SOX6: variants seen among roughly 807,000 people sequenced by gnomAD.
The protein encoded by SOX6 is SRY-box transcription factor 6.
SOX6 carries 11 observed loss-of-function variants against 97.8 expected under a neutral mutation model. That is an observed-to-expected ratio of 0.11 (90% CI 0.07 to 0.19). SOX6 has a LOEUF of 0.19. SOX6 is among the 10% of genes least tolerant of loss of function. The pLI is 1.00. For synonymous variants in SOX6, 360 were observed against 371.4 expected (o/e 0.97, Z 0.35); for missense variants, 810 against 1,039.5 (o/e 0.78, Z 3.04).
intron 3 of SOX6, among the ~76,000 whole-genome samples, chr11:16,667,325 A>G (rs768851345): frequency 3.9e-5 from 6 of 152,206 alleles, no homozygotes; most frequent in Non-Finnish European, 2.9e-5. Context: ...AAAAGGTTAT[A>G]GAACACCAAG....
intron 4 of SOX6, among the ~76,000 whole-genome samples, chr11:16,516,377 G>C (rs1860973933): frequency 6.6e-6 from 1 of 152,164 alleles, no homozygotes; most frequent in African/African-American, 2.4e-5. Flanking sequence ...AAGAATGCTT[G>C]TGATTTTTGT....
At chr11:16,421,696 C>T (rs561063373) in intron 1 of SOX6, among the ~76,000 whole-genome samples, 1 of 152,124 alleles carries the variant, frequency 6.6e-6, no homozygotes, top group African/African-American at 2.4e-5. Context: ...TATGACTGTT[C>T]TTGTTCTTTT....
intron 6 of SOX6, among the ~76,000 whole-genome samples, chr11:16,158,701 C>A (rs1850665483): frequency 6.6e-6 from 1 of 151,870 alleles, no homozygotes; most frequent in African/African-American, 2.4e-5. Flanking sequence ...GAAAAAAGAT[C>A]TTGGTGAATG....
chr11:16,456,611 T>C (rs191706479), intron 1 of SOX6, among the ~76,000 whole-genome samples: 1 of 152,234 alleles, frequency 6.6e-6, no homozygotes, highest in Admixed American at 6.5e-5. Context: ...GGCTGTTCAT[T>C]TGCCAGGATC....
chr11:16,186,743 T>A, intron 5 of SOX6, 40 bp downstream of exon 5: 1 of 1,608,628 alleles, frequency 6.2e-7, no homozygotes. Flanking sequence ...CCTGGCACAT[T>A]CCACATCTCC....
In SOX6 at chr11:16,234,668, G is replaced by T. The variant is rs760380766; in HGVS notation, c.449C>A (p.Ser150Tyr). The T allele has an allele frequency of 2.6e-6, 4 of 1,549,052 alleles. No homozygotes were observed. Among genetic ancestry groups the T allele is most frequent in the Non-Finnish European group, 3.5e-6 (4 of 1,129,444 alleles). The change falls in exon 4 of 16, where the codon TCC (serine) becomes TAC (tyrosine). Residue 150 changes from serine to tyrosine, a missense_variant. Transcript: ENST00000683767. Reference sequence around the variant, plus strand: ...TGAAAGTAGTTTTTCCATGCAGGAGGAATCTATTAAAATACAAAAGTAAGT... The same window carrying T: ...TGAAAGTAGTTTTTCCATGCAGGAGTAATCTATTAAAATACAAAAGTAAGT... ...EEMTRTEQED[S>Y]SCMEKLLSKD... is the part of the protein sequence containing the mutation.
chr11:16,095,877 G>T, intron 9 of SOX6, 119 bp downstream of exon 9: 1 of 1,182,786 alleles, frequency 8.5e-7, no homozygotes, highest in Non-Finnish European at 1.2e-6. Flanking sequence ...AAAAGGGAAA[G>T]ATTAAGTTCA....
chr11:16,153,207 C>G (rs1234439510), intron 6 of SOX6, among the ~76,000 whole-genome samples: 1 of 151,716 alleles, frequency 6.6e-6, no homozygotes, highest in Non-Finnish European at 1.5e-5. Context: ...TGGGGTTTAC[C>G]ATGTTGGCCA....
chr11:16,509,817 T>G (rs1327159708), intron 4 of SOX6, among the ~76,000 whole-genome samples: 2 of 152,070 alleles, frequency 1.3e-5, no homozygotes, highest in African/African-American at 4.8e-5. Context: ...TATGCAAAAG[T>G]AAAATGGTTG....
At chr11:16,732,120 C>T (rs973409813) in intron 2 of SOX6, among the ~76,000 whole-genome samples, 1 of 152,198 alleles carries the variant, frequency 6.6e-6, no homozygotes, top group Non-Finnish European at 1.5e-5. Context: ...ACATTCCATG[C>T]TTATGAATAG....
chr11:16,708,754 T>C (rs1590059789), intron 3 of SOX6, among the ~76,000 whole-genome samples: 1 of 152,346 alleles, frequency 6.6e-6, no homozygotes, highest in East Asian at 1.9e-4. Context: ...TAAAGACTTA[T>C]ACCGGATAGC....
chr11:16,584,669 T>C (rs1589995558), intron 4 of SOX6, among the ~76,000 whole-genome samples: 1 of 152,190 alleles, frequency 6.6e-6, no homozygotes, highest in Non-Finnish European at 1.5e-5. Flanking sequence ...TGGGACCTAG[T>C]GGTCGAGCCT....
intron 6 of SOX6, among the ~76,000 whole-genome samples, chr11:16,159,519 G>A (rs1850687982): frequency 6.6e-6 from 1 of 152,026 alleles, no homozygotes; most frequent in Non-Finnish European, 1.5e-5. Flanking sequence ...ATTAGATGAT[G>A]TGAACTTGTG....
At position 16,037,900 on chromosome 11, in the gene SOX6, G is replaced by A. The variant is rs569614801; in HGVS notation, c.1623+8614C>T. ...CCATGACAACCATCTCTTTCAGCCT[G>A]CTCTTCTACCAATTATGTGTCAGGT... is the stretch of plus-strand genomic sequence containing the variant. On this transcript the variant is annotated intron_variant, in intron 12 of 15. Transcript: ENST00000683767. Among the ~76,000 whole-genome samples, 34 of 152,264 alleles carry A rather than the reference G, an allele frequency of 2.2e-4. No homozygotes were observed. In the South Asian group the frequency reaches 5.2e-3, roughly 23 times the overall value.
chr11:16,451,730 A>T (rs984538943), intron 1 of SOX6, among the ~76,000 whole-genome samples: 5 of 152,084 alleles, frequency 3.3e-5, no homozygotes, highest in Non-Finnish European at 5.9e-5. Flanking sequence ...TCAACTGTGA[A>T]GTAGTCCATT....
chr11:16,611,862 G>A (rs1848402206), intron 4 of SOX6, among the ~76,000 whole-genome samples: 1 of 152,174 alleles, frequency 6.6e-6, no homozygotes, highest in Admixed American at 6.5e-5. Flanking sequence ...AGTAGCGGCA[G>A]AGCACCGCCA....
intron 15 of SOX6, among the ~76,000 whole-genome samples, chr11:15,979,091 T>C (rs1338262888): frequency 3.6e-5 from 5 of 139,520 alleles, no homozygotes. Flanking sequence ...TTTGGATTTC[T>C]AAATGCTGTC....
chr11:16,505,053 G>T (rs1370571311), intron 4 of SOX6, among the ~76,000 whole-genome samples: 1 of 152,204 alleles, frequency 6.6e-6, no homozygotes, highest in African/African-American at 2.4e-5. Flanking sequence ...TTTCTATAAA[G>T]ATACTTGAAA....
At chr11:16,016,309 T>C (rs911722661) in intron 12 of SOX6, among the ~76,000 whole-genome samples, 1 of 152,078 alleles carries the variant, frequency 6.6e-6, no homozygotes. Flanking sequence ...CCCTTCGTCA[T>C]GGAATATGTT....
Sources: gnomAD v4.1 joint callset for allele counts (sites outside exome capture counted in the v4.1 genomes callset) on GRCh38, gnomAD v4.1.1 for gene constraint, MANE v1.5 for transcripts, NCBI Gene and HGNC (gene_info 2026-07-23, HGNC 2026-07-21) for gene names.